Variants in AGBL4 observed in about 807,000 individuals in gnomAD.
The protein encoded by AGBL4 is AGBL carboxypeptidase 4, also known as cytosolic carboxypeptidase 6.
Under a neutral mutation model 66.4 loss-of-function variants are expected in AGBL4, and 58 were observed. The ratio of observed to expected loss-of-function variants is 0.87; its 90% CI spans 0.71 to 1.09. The LOEUF (loss-of-function observed/expected upper bound fraction) is 1.09, where lower values mean the gene tolerates loss of function less well. Ranked by LOEUF, AGBL4 falls within the 50% of genes least tolerant of loss-of-function variation. The pLI is 0.00. For missense variants in AGBL4, 579 were observed against 631.0 expected (o/e 0.92, Z 0.88); for synonymous variants, 234 against 222.9 (o/e 1.05, Z -0.44).
intron 11 of AGBL4, among the ~76,000 whole-genome samples, chr1:48,550,119 C>T (rs1644227430): frequency 6.6e-6 from 1 of 151,936 alleles, no homozygotes; most frequent in Admixed American, 6.6e-5. Context: ...GAAGAGTGTC[C>T]AATCCATCAC....
intron 4 of AGBL4, among the ~76,000 whole-genome samples, chr1:49,058,719 C>T (rs1010228690): frequency 6.6e-6 from 1 of 152,158 alleles, no homozygotes; most frequent in Non-Finnish European, 1.5e-5. Context: ...TTCCTAGAGA[C>T]TTGTTGAATG....
At chr1:49,849,263 C>A (rs1275849272) in intron 2 of AGBL4, among the ~76,000 whole-genome samples, 1 of 152,002 alleles carries the variant, frequency 6.6e-6, no homozygotes, top group African/African-American at 2.4e-5. Flanking sequence ...GATTTGGAAA[C>A]ACGGGATTGT....
At position 48,534,012 on chromosome 1, in the gene AGBL4, A is replaced by T; in HGVS notation, c.*161T>A. The stretch of plus-strand genomic sequence containing the variant: ...TTACAATTGATTTTCCATTGGAAAA[A>T]GGGAAAATCAGTGATGAAGTTTCTC... On this transcript the variant is annotated 3_prime_UTR_variant, in exon 14 of 14. Transcript: ENST00000371839. 8.3e-7 allele frequency: 1 copy of T among 1,209,236 alleles called. No individual in the cohort carries two copies. Among genetic ancestry groups the T allele is most frequent in the Non-Finnish European group, 1.2e-6 (1 of 852,730 alleles). The allele number at this position is 1,209,236 out of a possible 1,614,324, so 74.9% of individuals were successfully genotyped here.
At chr1:48,906,453 A>G (rs537921132) in intron 5 of AGBL4, among the ~76,000 whole-genome samples, 2 of 152,212 alleles carry the variant, frequency 1.3e-5, no homozygotes, top group Non-Finnish European at 2.9e-5. Context: ...TATGTGAGGG[A>G]GGGGCAGTAA....
intron 1 of AGBL4, among the ~76,000 whole-genome samples, chr1:49,993,909 G>C (rs1297073232): frequency 1.3e-5 from 2 of 152,080 alleles, no homozygotes; most frequent in Admixed American, 1.3e-4. Flanking sequence ...AGCCAAAACT[G>C]GCTAATCCTT....
intron 3 of AGBL4, among the ~76,000 whole-genome samples, chr1:49,678,621 T>C (rs1447895060): frequency 1.3e-5 from 2 of 152,134 alleles, no homozygotes; most frequent in South Asian, 2.1e-4. Flanking sequence ...TCAGTACTGG[T>C]TTAGCTACCG....
At chr1:49,447,540 T>C (rs1646186927) in intron 3 of AGBL4, among the ~76,000 whole-genome samples, 1 of 152,124 alleles carries the variant, frequency 6.6e-6, no homozygotes, top group Non-Finnish European at 1.5e-5. Context: ...CACAGACACT[T>C]AGTTCTCAGA....
intron 11 of AGBL4, among the ~76,000 whole-genome samples, chr1:48,556,382 C>T (rs888331541): frequency 5.9e-5 from 9 of 152,192 alleles, no homozygotes; most frequent in African/African-American, 2.2e-4. Context: ...AGGATCCACT[C>T]ACTGTCAGGA....
chr1:49,305,590 G>A (rs562740041), intron 3 of AGBL4, among the ~76,000 whole-genome samples: 1 of 152,200 alleles, frequency 6.6e-6, no homozygotes, highest in Admixed American at 6.5e-5. Flanking sequence ...CAACTGTATT[G>A]TGATGTCATT....
intron 3 of AGBL4, among the ~76,000 whole-genome samples, chr1:49,621,910 T>G (rs1364728323): frequency 6.6e-6 from 1 of 152,218 alleles, no homozygotes; most frequent in Non-Finnish European, 1.5e-5. Context: ...AAAAGGCACA[T>G]TACTGTTCTC....
intron 3 of AGBL4, among the ~76,000 whole-genome samples, chr1:49,260,447 T>G (rs1048100773): frequency 5.9e-5 from 9 of 151,660 alleles, no homozygotes; most frequent in South Asian, 2.1e-4. Flanking sequence ...AAGAATCAAA[T>G]AGACGCAATA....
chr1:48,723,129 G>T (rs1647178069), intron 6 of AGBL4, among the ~76,000 whole-genome samples: 1 of 152,180 alleles, frequency 6.6e-6, no homozygotes. Context: ...GCAAAATGGT[G>T]AAGCAGAATT....
chr1:49,231,718 AG>A (rs1317786871), intron 4 of AGBL4, among the ~76,000 whole-genome samples: 1 of 152,076 alleles, frequency 6.6e-6, no homozygotes, highest in Non-Finnish European at 1.5e-5. Flanking sequence ...AACAAAATAC[AG>A]ACAGTCTCTA....
chr1:49,725,968 T>C (rs950547937), intron 2 of AGBL4, among the ~76,000 whole-genome samples: 1 of 152,136 alleles, frequency 6.6e-6, no homozygotes, highest in South Asian at 2.1e-4. Context: ...AAATAAATAC[T>C]GGATGCTGGA....
chr1:49,096,693 G>A (rs1239257196), intron 4 of AGBL4, among the ~76,000 whole-genome samples: 2 of 105,274 alleles, frequency 1.9e-5, no homozygotes, highest in Non-Finnish European at 3.5e-5. Flanking sequence ...CTGTTATGGG[G>A]TGGGGGGAGG....
intron 2 of AGBL4, among the ~76,000 whole-genome samples, chr1:49,742,097 G>A (rs891073444): frequency 6.6e-6 from 1 of 152,212 alleles, no homozygotes; most frequent in Non-Finnish European, 1.5e-5. Context: ...ATTAGGAAGA[G>A]AGGAAGTCAA....
intron 3 of AGBL4, among the ~76,000 whole-genome samples, chr1:49,434,097 T>C (rs962081214): frequency 1.3e-5 from 2 of 152,194 alleles, no homozygotes; most frequent in Non-Finnish European, 1.5e-5. Context: ...CCAATCCCTG[T>C]AGCATATACT....
chr1:48,846,362 G>GA (rs1553243606), intron 6 of AGBL4, among the ~76,000 whole-genome samples: 4 of 118,594 alleles, frequency 3.4e-5, no homozygotes, highest in Admixed American at 9.6e-5. Flanking sequence ...GAGAAAGAAA[G>GA]AAGAAAGAAA....
intron 4 of AGBL4, among the ~76,000 whole-genome samples, chr1:49,193,446 A>C (rs1299616890): frequency 1.3e-5 from 2 of 151,420 alleles, no homozygotes; most frequent in Admixed American, 6.6e-5. Flanking sequence ...TATTAATTTC[A>C]TCATTGACCC....
Sources: allele counts gnomAD v4.1 joint callset (sites outside exome capture counted in the v4.1 genomes callset), GRCh38; gene constraint gnomAD v4.1.1; transcripts MANE v1.5; gene names NCBI Gene and HGNC (gene_info 2026-07-23, HGNC 2026-07-21).